Variants in GALNT13 observed in about 807,000 individuals in gnomAD.
GALNT13 encodes polypeptide N-acetylgalactosaminyltransferase 13.
A neutral mutation model predicts 64.2 loss-of-function variants in GALNT13; 28 were observed. The ratio of observed to expected loss-of-function variants is 0.44; its 90% CI spans 0.32 to 0.60. GALNT13 has a LOEUF of 0.60. Among genes scored for constraint, GALNT13 ranks in the 20% least tolerant of loss-of-function variants. The pLI, the probability that GALNT13 is intolerant of heterozygous loss-of-function variation, is 0.05. For missense variants in GALNT13, 577 were observed against 669.8 expected (o/e 0.86, Z 1.53); for synonymous variants, 214 against 224.6 (o/e 0.95, Z 0.42).
the GALNT13 span, among the ~76,000 whole-genome samples, chr2:153,346,420 C>T: frequency 1.3e-5 from 2 of 152,118 alleles, no homozygotes; most frequent in Admixed American, 6.5e-5. Context: ...TCATTGTAAC[C>T]AAGGGCTGCA....
the GALNT13 span, among the ~76,000 whole-genome samples, chr2:153,406,518 G>A: frequency 6.6e-5 from 10 of 151,798 alleles, no homozygotes; most frequent in African/African-American, 2.2e-4. Flanking sequence ...AGCGATTCTC[G>A]TGCCTCAGTC....
the GALNT13 span, among the ~76,000 whole-genome samples, chr2:153,351,413 G>A: frequency 2.6e-5 from 4 of 152,054 alleles, no homozygotes; most frequent in East Asian, 1.9e-4. Context: ...CCAGATAAAC[G>A]TTCCCAAGCA....
chr2:153,336,325 G>T, the GALNT13 span, among the ~76,000 whole-genome samples: 1 of 152,074 alleles, frequency 6.6e-6, no homozygotes, highest in Non-Finnish European at 1.5e-5. Context: ...AGCTGCAGAT[G>T]CTCAATGTTA....
chr2:153,650,608 G>A, the GALNT13 span, among the ~76,000 whole-genome samples: 1 of 152,138 alleles, frequency 6.6e-6, no homozygotes, highest in Non-Finnish European at 1.5e-5. Flanking sequence ...GGTACAGGTT[G>A]TTCCTTTCCA....
At chr2:153,763,545 T>C in the GALNT13 span, among the ~76,000 whole-genome samples, 1 of 152,128 alleles carries the variant, frequency 6.6e-6, no homozygotes, top group Non-Finnish European at 1.5e-5. Flanking sequence ...TAAGACGTGA[T>C]TTTGCTCCTC....
the GALNT13 span, among the ~76,000 whole-genome samples, chr2:153,093,915 G>A: frequency 7.9e-5 from 12 of 152,218 alleles, no homozygotes; most frequent in East Asian, 2.1e-3. Context: ...TAGGTTGTGT[G>A]TATCTAGGAA....
intron 1 of GALNT13, among the ~76,000 whole-genome samples, chr2:153,879,624 C>T (rs1340737038): frequency 6.6e-6 from 1 of 151,906 alleles, no homozygotes; most frequent in Non-Finnish European, 1.5e-5. Flanking sequence ...CCTCCCGCCT[C>T]AGCCTCCCAA....
chr2:153,336,505 A>T, the GALNT13 span, among the ~76,000 whole-genome samples: 1 of 152,120 alleles, frequency 6.6e-6, no homozygotes, highest in Non-Finnish European at 1.5e-5. Context: ...TGGATTTTGG[A>T]CTTGCATGGG....
chr2:153,216,423 C>A, the GALNT13 span, among the ~76,000 whole-genome samples: 3 of 152,002 alleles, frequency 2.0e-5, no homozygotes, highest in East Asian at 5.8e-4. Context: ...TATTCCTAAT[C>A]AGCCAGTATT....
chr2:153,120,173 G>A, the GALNT13 span, among the ~76,000 whole-genome samples: 1 of 152,094 alleles, frequency 6.6e-6, no homozygotes, highest in African/African-American at 2.4e-5. Context: ...TCTGCTCTGG[G>A]CCTCTGGTAA....
the GALNT13 span, among the ~76,000 whole-genome samples, chr2:153,860,326 A>C: frequency 6.6e-6 from 1 of 152,228 alleles, no homozygotes; most frequent in South Asian, 2.1e-4. Flanking sequence ...TCTCTTTCAT[A>C]TATTAGCCAC....
chr2:153,895,863 A>G (rs941247055), intron 1 of GALNT13, among the ~76,000 whole-genome samples: 1 of 151,666 alleles, frequency 6.6e-6, no homozygotes, highest in African/African-American at 2.4e-5. Flanking sequence ...ATGATAATTT[A>G]TATTCAGAAA....
intron 11 of GALNT13, among the ~76,000 whole-genome samples, chr2:154,433,485 A>T (rs2105453679): frequency 6.6e-6 from 1 of 152,206 alleles, no homozygotes; most frequent in Admixed American, 6.6e-5. Flanking sequence ...ACTCTGGAAG[A>T]ATAAAAAAAT....
the GALNT13 span, among the ~76,000 whole-genome samples, chr2:153,170,230 A>C: frequency 6.6e-6 from 1 of 152,160 alleles, no homozygotes; most frequent in Non-Finnish European, 1.5e-5. Flanking sequence ...AAATATTTTC[A>C]TCTCATATTT....
chr2:153,916,358 T>G (rs1689346650), intron 2 of GALNT13, among the ~76,000 whole-genome samples: 1 of 151,958 alleles, frequency 6.6e-6, no homozygotes, highest in African/African-American at 2.4e-5. Context: ...GGTCTCACTA[T>G]GTTGCCCAGG....
At chr2:153,703,844 T>C in the GALNT13 span, among the ~76,000 whole-genome samples, 1 of 152,166 alleles carries the variant, frequency 6.6e-6, no homozygotes, top group Non-Finnish European at 1.5e-5. Flanking sequence ...ACGCATCACT[T>C]CTATTGTGGA....
At chr2:153,810,264 A>G in the GALNT13 span, among the ~76,000 whole-genome samples, 1 of 152,138 alleles carries the variant, frequency 6.6e-6, no homozygotes, top group East Asian at 1.9e-4. Context: ...CTCCAGGCCA[A>G]CATTTCTTAG....
the GALNT13 span, among the ~76,000 whole-genome samples, chr2:153,282,764 T>A: frequency 2.0e-4 from 30 of 152,230 alleles, no homozygotes; most frequent in Non-Finnish European, 3.1e-4. Context: ...TTTTCTCATC[T>A]GGAGACACTG....
chr2:153,138,836 C>A, the GALNT13 span, among the ~76,000 whole-genome samples: 1 of 152,176 alleles, frequency 6.6e-6, no homozygotes, highest in South Asian at 2.1e-4. Flanking sequence ...TTAACAGTTA[C>A]ATGATTTTGC....
Sources: allele counts gnomAD v4.1 joint callset (sites outside exome capture counted in the v4.1 genomes callset), GRCh38; gene constraint gnomAD v4.1.1; transcripts MANE v1.5; gene names NCBI Gene and HGNC (gene_info 2026-07-23, HGNC 2026-07-21).